RALYL: variants seen among roughly 807,000 people sequenced by gnomAD.
RALYL encodes the protein RALY RNA binding protein like.
Under a neutral mutation model 35.1 loss-of-function variants are expected in RALYL, and 29 were observed. The ratio of observed to expected loss-of-function variants is 0.83; its 90% CI spans 0.61 to 1.13. RALYL has a LOEUF of 1.13. RALYL is among the 50% of genes most tolerant of loss of function. The probability of loss-of-function intolerance (pLI) is 0.00; values close to 1 mark genes in which losing one functional copy is unlikely to be tolerated. For synonymous variants in RALYL, 120 were observed against 127.6 expected (o/e 0.94, Z 0.40); for missense variants, 359 against 360.4 (o/e 1.00, Z 0.03).
chr8:84,205,819 TG>T (rs1817930845), intron 1 of RALYL, among the ~76,000 whole-genome samples: 1 of 152,184 alleles, frequency 6.6e-6, no homozygotes, highest in South Asian at 2.1e-4. Context: ...TAGCAGAGAC[TG>T]GGTGGTTTAA....
chr8:84,584,459 C>T (rs1811542546), intron 2 of RALYL, among the ~76,000 whole-genome samples: 1 of 151,946 alleles, frequency 6.6e-6, no homozygotes, highest in South Asian at 2.1e-4. Context: ...AAAAATTAGC[C>T]AGGCATGGTG....
In RALYL at chr8:84,529,464, T is replaced by C; in HGVS notation, c.143T>C (p.Ile48Thr). The C allele has an allele frequency of 6.2e-7, 1 of 1,613,624 alleles. No homozygotes were observed. Among genetic ancestry groups the C allele is most frequent in the Non-Finnish European group, 8.5e-7 (1 of 1,179,790 alleles). ...GCCATTTTTTCAAAGTATGGAAAAATAGTTGGATGTTCCGTTCACAAAGGT... is the reference window on the plus strand; with the variant it reads ...GCCATTTTTTCAAAGTATGGAAAAACAGTTGGATGTTCCGTTCACAAAGGT... Reference protein sequence around the residue: ...IEAIFSKYGKIVGCSVHKGYA... With the variant: ...IEAIFSKYGKTVGCSVHKGYA... The change falls in exon 2 of 9, where the codon ATA becomes ACA. Residue 48 changes from isoleucine to threonine, a missense_variant. Coordinates refer to ENST00000521268, the MANE Select transcript of RALYL (RefSeq NM_173848.7).
intron 4 of RALYL, among the ~76,000 whole-genome samples, chr8:84,832,387 T>A (rs1474333516): frequency 6.6e-6 from 1 of 152,150 alleles, no homozygotes; most frequent in Non-Finnish European, 1.5e-5. Flanking sequence ...TGAGATTAGG[T>A]CTGAGTTCTT....
intron 1 of RALYL, among the ~76,000 whole-genome samples, chr8:84,285,920 C>T (rs1303447231): frequency 1.1e-4 from 16 of 152,108 alleles, no homozygotes; most frequent in Admixed American, 5.9e-4. Context: ...TTTAGAAGGA[C>T]CTCTGGGTGT....
intron 1 of RALYL, among the ~76,000 whole-genome samples, chr8:84,467,591 G>C (rs1456704810): frequency 1.3e-5 from 2 of 150,622 alleles, no homozygotes; most frequent in Non-Finnish European, 3.0e-5. Context: ...AATAGGTGTG[G>C]TGTGGTGCTG....
chr8:84,723,041 C>A (rs553042053), intron 2 of RALYL, among the ~76,000 whole-genome samples: 3 of 151,872 alleles, frequency 2.0e-5, no homozygotes, highest in South Asian at 2.1e-4. Context: ...TTCATTATAT[C>A]CTTGCATGCA....
At chr8:84,773,859 T>G (rs1008921603) in intron 2 of RALYL, among the ~76,000 whole-genome samples, 1 of 152,238 alleles carries the variant, frequency 6.6e-6, no homozygotes, top group Non-Finnish European at 1.5e-5. Context: ...CAAATGTTTA[T>G]GCATACTGAA....
chr8:84,372,892 T>TTTGTTTTGTTTTG (rs1563809012), intron 1 of RALYL, among the ~76,000 whole-genome samples: 1 of 122,062 alleles, frequency 8.2e-6, no homozygotes, highest in African/African-American at 3.4e-5. Context: ...ATCTGTTTTT[T>TTTGTTTTGTTTTG]TTTTTTTTTT....
chr8:84,524,255 A>T (rs1327177633), intron 1 of RALYL, among the ~76,000 whole-genome samples: 2 of 152,174 alleles, frequency 1.3e-5, no homozygotes, highest in Non-Finnish European at 1.5e-5. Context: ...GATTTACAAG[A>T]AAAAAACAAA....
intron 2 of RALYL, among the ~76,000 whole-genome samples, chr8:84,738,245 G>C (rs1226872994): frequency 6.6e-6 from 1 of 151,852 alleles, no homozygotes; most frequent in Non-Finnish European, 1.5e-5. Context: ...GGAATTGGAA[G>C]GAAAGAAAGA....
Position 84,351,627 on chromosome 8 carries a change from AT to A in RALYL, c.-24+167211del, listed in dbSNP as rs1186906930. On this transcript the variant is annotated intron_variant, in intron 1 of 8. Coordinates refer to ENST00000521268, the MANE Select transcript of RALYL (RefSeq NM_173848.7). Reference sequence around the variant, plus strand: ...GATAGTCTCCCATATTGTTAATTCGATTTTTTTTCTCTTGGCAGCTTCATTT... The same window carrying A: ...GATAGTCTCCCATATTGTTAATTCGATTTTTTTCTCTTGGCAGCTTCATTT... Among the ~76,000 whole-genome samples the A allele has an allele frequency of 7.6e-5, 11 of 145,468 alleles. 1 individual carries two copies. The highest frequency in any genetic ancestry group is 3.0e-5 in the Non-Finnish European group (2 of 66,448).
chr8:84,849,379 A>G (rs1049395406), intron 4 of RALYL, among the ~76,000 whole-genome samples: 1 of 152,174 alleles, frequency 6.6e-6, no homozygotes, highest in Non-Finnish European at 1.5e-5. Context: ...TGAATGGGTT[A>G]TTAAACCTTT....
intron 2 of RALYL, among the ~76,000 whole-genome samples, chr8:84,622,211 A>G (rs1310580761): frequency 2.6e-5 from 4 of 152,172 alleles, no homozygotes; most frequent in African/African-American, 9.7e-5. Flanking sequence ...CCACAAAGAA[A>G]AAGGGGTCAT....
At chr8:84,276,504 T>G (rs1835406451) in intron 1 of RALYL, among the ~76,000 whole-genome samples, 1 of 152,198 alleles carries the variant, frequency 6.6e-6, no homozygotes, top group Non-Finnish European at 1.5e-5. Context: ...GAAAGAAAGC[T>G]GTTATCTCCA....
chr8:84,654,382 T>A (rs2131576344), intron 2 of RALYL, among the ~76,000 whole-genome samples: 1 of 146,438 alleles, frequency 6.8e-6, no homozygotes, highest in Middle Eastern at 3.6e-3. Context: ...AATAATCACA[T>A]CAGGGTAAAT....
At chr8:84,404,428 A>G (rs2043247429) in intron 1 of RALYL, among the ~76,000 whole-genome samples, 1 of 152,142 alleles carries the variant, frequency 6.6e-6, no homozygotes, top group Non-Finnish European at 1.5e-5. Flanking sequence ...TATTGAGATA[A>G]TCATGTGGTT....
At chr8:84,408,740 T>A (rs1438918416) in intron 1 of RALYL, among the ~76,000 whole-genome samples, 1 of 152,044 alleles carries the variant, frequency 6.6e-6, no homozygotes, top group Non-Finnish European at 1.5e-5. Flanking sequence ...AATCTAAGAA[T>A]AAGAATGCCA....
rs148760788 is a variant in RALYL, at chr8:84,629,464, G to A, written c.256+99887G>A. Among the ~76,000 whole-genome samples the A allele has an allele frequency of 2.0e-4, 31 of 152,156 alleles. No individual in the cohort carries two copies. In the East Asian group the frequency reaches 5.0e-3, roughly 25 times the overall value. On this transcript the variant is annotated intron_variant, in intron 2 of 8. Coordinates refer to ENST00000521268, the MANE Select transcript of RALYL (RefSeq NM_173848.7). ...ATACAAATATATAAGGATATTCATTGTGACACTTCTATAATAATAGTGAAT... is the reference window on the plus strand; with the variant it reads ...ATACAAATATATAAGGATATTCATTATGACACTTCTATAATAATAGTGAAT...
At chr8:84,620,846 C>T (rs971470886) in intron 2 of RALYL, among the ~76,000 whole-genome samples, 3 of 152,102 alleles carry the variant, frequency 2.0e-5, no homozygotes, top group African/African-American at 7.2e-5. Context: ...TGCTGGAGTA[C>T]CCTGCCGTGT....
Sources: allele counts gnomAD v4.1 joint callset (sites outside exome capture counted in the v4.1 genomes callset), GRCh38; gene constraint gnomAD v4.1.1; transcripts MANE v1.5; gene names NCBI Gene and HGNC (gene_info 2026-07-23, HGNC 2026-07-21).